Variants in HECW1 observed in about 807,000 individuals in gnomAD.
The protein encoded by HECW1 is E3 ubiquitin-protein ligase HECW1.
HECW1 carries 61 observed loss-of-function variants against 182.3 expected under a neutral mutation model. The ratio of observed to expected loss-of-function variants is 0.33; its 90% confidence interval spans 0.27 to 0.41. The LOEUF is 0.41. HECW1 is among the 10% of genes least tolerant of loss of function. The pLI, the probability that HECW1 is intolerant of heterozygous loss-of-function variation, is 1.00. For synonymous variants in HECW1, 859 were observed against 832.6 expected, an observed-to-expected ratio of 1.03 and a Z score of -0.55; for missense variants, 1,739 against 2,108.9, an observed-to-expected ratio of 0.82 and a Z score of 3.44.
chr7:43,244,376 C>G (rs117994403), intron 3 of HECW1, among the ~76,000 whole-genome samples: 1 of 152,302 alleles, frequency 6.6e-6, no homozygotes, highest in East Asian at 1.9e-4. Context: ...GCTGATGGCT[C>G]ATTAGGATGG....
Position 43,199,206 on chromosome 7 carries a change from C to T in HECW1, c.-31-44669C>T, listed in dbSNP as rs1055006875. Among the ~76,000 whole-genome samples, 8 of 152,342 alleles carry T rather than the reference C, an allele frequency of 5.3e-5. No individual in the cohort carries two copies. The South Asian group carries it at 6.2e-4, about 12-fold the overall frequency. Reference sequence around the variant, plus strand: ...GTCTCTTATGATTACAGTTTGCCTGCCTGTCTTTAGCTCTCCGTTCAACTC... The same window carrying T: ...GTCTCTTATGATTACAGTTTGCCTGTCTGTCTTTAGCTCTCCGTTCAACTC... On this transcript the variant is annotated intron_variant, in intron 2 of 29. Transcript: ENST00000395891.
chr7:43,238,322 C>G (rs1479665109), intron 2 of HECW1, among the ~76,000 whole-genome samples: 2 of 152,232 alleles, frequency 1.3e-5, no homozygotes, highest in Non-Finnish European at 2.9e-5. Context: ...GTCCCCATCC[C>G]TGTTCTTACC....
At chr7:43,346,110 A>G (rs1028117458) in intron 5 of HECW1, among the ~76,000 whole-genome samples, 1 of 152,204 alleles carries the variant, frequency 6.6e-6, no homozygotes, top group Non-Finnish European at 1.5e-5. Flanking sequence ...CATTCCCACC[A>G]GCAGTGTAGA....
chr7:43,548,581 A>G (rs2081661752), intron 26 of HECW1, among the ~76,000 whole-genome samples: 1 of 152,228 alleles, frequency 6.6e-6, no homozygotes, highest in Admixed American at 6.5e-5. Flanking sequence ...GATTAGATTC[A>G]GCTACTAGTG....
intron 5 of HECW1, among the ~76,000 whole-genome samples, chr7:43,333,619 G>A (rs1433333672): frequency 6.6e-6 from 1 of 152,154 alleles, no homozygotes; most frequent in Non-Finnish European, 1.5e-5. Flanking sequence ...ATTATATAAT[G>A]AATGAATTAA....
intron 7 of HECW1, 34 bp downstream of exon 7, chr7:43,396,923 A>G (rs1562930870): frequency 6.7e-7 from 1 of 1,486,692 alleles, no homozygotes. Flanking sequence ...TTGTGGAGAG[A>G]CTAAGAATGT....
At chr7:43,396,288 G>A (rs1257486594) in intron 6 of HECW1, among the ~76,000 whole-genome samples, 1 of 152,132 alleles carries the variant, frequency 6.6e-6, no homozygotes, top group Non-Finnish European at 1.5e-5. Context: ...TTCCGAGGAA[G>A]GCAATTGATT....
chr7:43,266,388 T>A (rs182594846), intron 3 of HECW1, among the ~76,000 whole-genome samples: 1 of 152,208 alleles, frequency 6.6e-6, no homozygotes, highest in African/African-American at 2.4e-5. Flanking sequence ...CAGGCTGGAG[T>A]GCAGTGGTGC....
At chr7:43,160,110 A>G (rs1207928061) in intron 2 of HECW1, among the ~76,000 whole-genome samples, 1 of 152,234 alleles carries the variant, frequency 6.6e-6, no homozygotes, top group Non-Finnish European at 1.5e-5. Context: ...ACAGTTTTGC[A>G]GATACTTTTG....
intron 5 of HECW1, among the ~76,000 whole-genome samples, chr7:43,349,319 C>T (rs908809556): frequency 9.9e-5 from 15 of 152,144 alleles, no homozygotes; most frequent in African/African-American, 3.4e-4. Flanking sequence ...CAAGTGTGAG[C>T]CACTGCACCC....
intron 6 of HECW1, among the ~76,000 whole-genome samples, chr7:43,391,977 T>C (rs888794332): frequency 6.6e-6 from 1 of 152,214 alleles, no homozygotes; most frequent in African/African-American, 2.4e-5. Flanking sequence ...TACTGAACTT[T>C]AGAGGAATCC....
At chr7:43,198,109 C>T (rs191823826) in intron 2 of HECW1, among the ~76,000 whole-genome samples, 343 of 150,326 alleles carry the variant, frequency 2.3e-3, no homozygotes, top group African/African-American at 8.0e-3. Flanking sequence ...ACACACTCAC[C>T]CTACACATAC....
chr7:43,470,830 G>GGCA (rs757602154), intron 16 of HECW1, among the ~76,000 whole-genome samples: 3 of 152,116 alleles, frequency 2.0e-5, no homozygotes, highest in Non-Finnish European at 2.9e-5. Context: ...ATGTCTAAGA[G>GGCA]GCATACCATG....
chr7:43,521,735 C>T (rs1243445371), intron 24 of HECW1, among the ~76,000 whole-genome samples: 3 of 152,112 alleles, frequency 2.0e-5, no homozygotes, highest in African/African-American at 4.8e-5. Context: ...ATTAGCCAGG[C>T]GTGGTGGCAC....
intron 8 of HECW1, among the ~76,000 whole-genome samples, chr7:43,426,728 T>A (rs528291321): frequency 6.6e-5 from 10 of 152,340 alleles, no homozygotes; most frequent in Admixed American, 4.6e-4. Context: ...TAAAATGTAC[T>A]TATAACGTGT....
chr7:43,266,055 T>C (rs970759393), intron 3 of HECW1, among the ~76,000 whole-genome samples: 1 of 152,174 alleles, frequency 6.6e-6, no homozygotes, highest in African/African-American at 2.4e-5. Context: ...GGGTTTTTTA[T>C]GGAGGCTGCA....
At chr7:43,388,149 C>A (rs6972702) in intron 6 of HECW1, among the ~76,000 whole-genome samples, 96,586 of 152,050 alleles carry the variant, frequency 0.64, 31,048 homozygotes, top group African/African-American at 0.73. Context: ...GCTGCCTCTT[C>A]ACACCATATT....
intron 7 of HECW1, among the ~76,000 whole-genome samples, chr7:43,406,137 CAGAG>C (rs540277266): frequency 1.6e-4 from 25 of 152,214 alleles, no homozygotes; most frequent in Admixed American, 3.3e-4. Flanking sequence ...TTGTCTTGCA[CAGAG>C]CAAGGGCTTA....
In HECW1 at chr7:43,112,702, C is replaced by A. The variant is rs1454240828; in HGVS notation, c.-502C>A. ...CCGTGCGACTCTGACCGAACCGGCC[C>A]CCTCCTCGCGCACACACTCGCCGAG... On this transcript the variant is annotated 5_prime_UTR_variant, in exon 1 of 30. Transcript: ENST00000395891. The A allele has an allele frequency of 1.3e-5, 3 of 230,772 alleles. No individual in the cohort carries two copies. The highest frequency in any genetic ancestry group is 1.8e-4 in the South Asian group (1 of 5,518). The allele number at this position is 230,772 out of a possible 1,614,324, so 14.3% of individuals were successfully genotyped here. A position where few individuals can be genotyped will look rare whatever the true frequency, so the allele number is the denominator to read the frequency against.
Sources: gnomAD v4.1 joint callset for allele counts (sites outside exome capture counted in the v4.1 genomes callset) on GRCh38, gnomAD v4.1.1 for gene constraint, MANE v1.5 for transcripts, NCBI Gene and HGNC (gene_info 2026-07-23, HGNC 2026-07-21) for gene names.